Variants in TYW1 observed in about 807,000 individuals in gnomAD.
TYW1 encodes tRNA-yW synthesizing protein 1 homolog.
Under a neutral mutation model 96.2 loss-of-function variants are expected in TYW1, and 46 were observed. That is an observed-to-expected ratio of 0.48 (90% CI 0.38 to 0.61). The LOEUF (loss-of-function observed/expected upper bound fraction) is 0.61. TYW1 is among the 20% of genes least tolerant of loss of function. TYW1 has a pLI of 0.00. For synonymous variants in TYW1, 274 were observed against 323.0 expected (o/e 0.85, Z 1.63); for missense variants, 684 against 909.6 (o/e 0.75, Z 3.19).
In TYW1 at chr7:67,089,371, C is replaced by G. The variant is rs1198516935; in HGVS notation, c.1384+5832C>G. The G allele has an allele frequency of 4.9e-6, 6 of 1,228,322 alleles. No individual in the cohort carries two copies. The Admixed American group carries it at 1.0e-4, about 21-fold the overall frequency. 76.1% of individuals were successfully genotyped at this position (1,228,322 alleles called of 1,614,324 possible). On this transcript the variant is annotated intron_variant, in intron 11 of 15. Transcript: ENST00000359626. ...CTGTCCATTCCCAAGGCTTAGGTAT[C>G]CAGTGCAGGGCATCTGGTGGGGAGG...
chr7:67,020,118 A>G (rs1173116490), intron 6 of TYW1, among the ~76,000 whole-genome samples: 1 of 152,198 alleles, frequency 6.6e-6, no homozygotes, highest in Non-Finnish European at 1.5e-5. Context: ...GCTCATGCCT[A>G]TAATCCCAAC....
chr7:67,107,415 C>G (rs1797276331), intron 12 of TYW1, among the ~76,000 whole-genome samples: 1 of 152,046 alleles, frequency 6.6e-6, no homozygotes, highest in African/African-American at 2.4e-5. Flanking sequence ...GAATATTTTT[C>G]TGAAACATGC....
At chr7:67,042,817 C>A (rs1404750121) in intron 7 of TYW1, among the ~76,000 whole-genome samples, 1 of 151,784 alleles carries the variant, frequency 6.6e-6, no homozygotes, top group Non-Finnish European at 1.5e-5. Flanking sequence ...GCAAACATGG[C>A]GAAACCTCAT....
chr7:67,202,049 T>C (rs2949107), intron 15 of TYW1, among the ~76,000 whole-genome samples: 1 of 152,202 alleles, frequency 6.6e-6, no homozygotes, highest in African/African-American at 2.4e-5. Flanking sequence ...TTGGGAACCA[T>C]GGCCACGAAG....
At chr7:67,016,980 A>ATTTTTTTTTTTTTTTTTT (rs35358824) in intron 5 of TYW1, among the ~76,000 whole-genome samples, 1 of 121,766 alleles carries the variant, frequency 8.2e-6, no homozygotes, top group Admixed American at 9.3e-5. Flanking sequence ...AGATATGTAA[A>ATTTTTTTTTTTTTTTTTT]TTTTTTTTTT....
At chr7:67,162,378 A>G (rs531395062) in intron 13 of TYW1, among the ~76,000 whole-genome samples, 39 of 151,572 alleles carry the variant, frequency 2.6e-4, no homozygotes, top group African/African-American at 9.4e-4. Flanking sequence ...CATTTGAATG[A>G]TTAATTTTCC....
At chr7:67,054,528 A>G (rs1354678905) in intron 8 of TYW1, among the ~76,000 whole-genome samples, 2 of 152,016 alleles carry the variant, frequency 1.3e-5, no homozygotes, top group African/African-American at 4.8e-5. Flanking sequence ...TATATGCAAG[A>G]TGTTTACATA....
At chr7:67,204,391 T>C (rs1462682287) in intron 15 of TYW1, among the ~76,000 whole-genome samples, 2 of 152,116 alleles carry the variant, frequency 1.3e-5, no homozygotes, top group African/African-American at 2.4e-5. Context: ...TTTATTATTT[T>C]AGTTATTGTA....
chr7:67,238,202 A>G, intron 15 of TYW1, 106 bp from the exon 16 acceptor site: 2 of 1,506,270 alleles, frequency 1.3e-6, no homozygotes, highest in Admixed American at 2.3e-5. Context: ...TGTTTTCTTG[A>G]CGTGATAGGG....
intron 13 of TYW1, among the ~76,000 whole-genome samples, chr7:67,142,200 A>G (rs903050392): frequency 6.6e-6 from 1 of 150,920 alleles, no homozygotes; most frequent in African/African-American, 2.5e-5. Context: ...GGCTCAAACA[A>G]TCCTCCCACC....
intron 6 of TYW1, among the ~76,000 whole-genome samples, chr7:67,021,257 G>A (rs1488141432): frequency 1.3e-5 from 2 of 152,296 alleles, no homozygotes; most frequent in Non-Finnish European, 2.9e-5. Context: ...GACCATGTTA[G>A]ACGCTTCTCA....
intron 9 of TYW1, among the ~76,000 whole-genome samples, chr7:67,065,227 G>C (rs1484245561): frequency 6.6e-6 from 1 of 152,148 alleles, no homozygotes; most frequent in Non-Finnish European, 1.5e-5. Context: ...TTCTTATAAG[G>C]ACGGTAGTTC....
At position 67,014,821 on chromosome 7, in the gene TYW1, C is replaced by T. The variant is rs1793960103; in HGVS notation, c.570+260C>T. ...TCAGCTCACTGCAACTTCTAGCTCC[C>T]GGGTTCAAGTGATTTCTCCTGCCTC... On this transcript the variant is annotated intron_variant, in intron 5 of 15. Transcript: ENST00000359626. Among the ~76,000 whole-genome samples, 5 of 152,108 alleles carry T rather than the reference C, an allele frequency of 3.3e-5. No individual in the cohort carries two copies. The South Asian group carries it at 1.0e-3, about 32-fold the overall frequency.
intron 13 of TYW1, among the ~76,000 whole-genome samples, chr7:67,156,327 C>T (rs988449540): frequency 2.0e-5 from 3 of 152,266 alleles, no homozygotes; most frequent in East Asian, 1.9e-4. Flanking sequence ...TGACAGTGGG[C>T]GGTGACAGGT....
chr7:67,103,916 C>T (rs1797164375), intron 12 of TYW1, among the ~76,000 whole-genome samples: 1 of 152,120 alleles, frequency 6.6e-6, no homozygotes, highest in Non-Finnish European at 1.5e-5. Flanking sequence ...GCTTGACAGT[C>T]AATAGGTTTA....
intron 13 of TYW1, among the ~76,000 whole-genome samples, chr7:67,134,755 G>C (rs1798190330): frequency 6.8e-6 from 1 of 147,962 alleles, no homozygotes; most frequent in Non-Finnish European, 1.5e-5. Flanking sequence ...TGGAAATCAG[G>C]AGACAAATGT....
chr7:67,225,190 C>CAAAAAA (rs10600752), intron 15 of TYW1, among the ~76,000 whole-genome samples: 2 of 78,036 alleles, frequency 2.6e-5, no homozygotes, highest in Non-Finnish European at 5.3e-5. Flanking sequence ...GACTCCGTCT[C>CAAAAAA]AAAAAAAAAA....
chr7:67,134,170 A>G, intron 13 of TYW1, among the ~76,000 whole-genome samples: 1 of 152,212 alleles, frequency 6.6e-6, no homozygotes, highest in East Asian at 1.9e-4. Flanking sequence ...TAATATAATA[A>G]TTCATGCATC....
At chr7:67,080,200 G>T (rs1796337469) in intron 10 of TYW1, among the ~76,000 whole-genome samples, 1 of 152,138 alleles carries the variant, frequency 6.6e-6, no homozygotes, top group Admixed American at 6.5e-5. Context: ...TGGTAGTAGA[G>T]TCTATCTTTC....
Sources: allele counts gnomAD v4.1 joint callset (sites outside exome capture counted in the v4.1 genomes callset), GRCh38; gene constraint gnomAD v4.1.1; transcripts MANE v1.5; gene names NCBI Gene and HGNC (gene_info 2026-07-23, HGNC 2026-07-21).